Variants in ADGRL2 observed in about 807,000 individuals in gnomAD.
ADGRL2 encodes adhesion G protein-coupled receptor L2.
A neutral mutation model predicts 157.4 loss-of-function variants in ADGRL2; 44 were observed. The observed-to-expected ratio is 0.28, with a 90% CI of 0.22 to 0.36. ADGRL2 has a LOEUF of 0.36. Among genes scored for constraint, ADGRL2 ranks in the 10% least tolerant of loss-of-function variants. ADGRL2 has a pLI of 1.00. For synonymous variants in ADGRL2, 585 were observed against 624.7 expected (o/e 0.94, Z 0.95); for missense variants, 1,510 against 1,768.9 (o/e 0.85, Z 2.63).
chr1:81,970,162 C>A, intron 15 of ADGRL2, 152 bp from the exon 16 acceptor site: 1 of 624,296 alleles, frequency 1.6e-6, no homozygotes, highest in South Asian at 2.0e-5. Flanking sequence ...TTTCCAGTTA[C>A]GAAAAAAATA....
At chr1:81,642,076 C>T (rs1181362817) in intron 3 of ADGRL2, among the ~76,000 whole-genome samples, 11 of 137,400 alleles carry the variant, frequency 8.0e-5, no homozygotes, top group African/African-American at 3.0e-4. Flanking sequence ...CCTCTCTCTA[C>T]TAAACATACA....
At chr1:81,845,135 C>T (rs940089903) in intron 2 of ADGRL2, among the ~76,000 whole-genome samples, 3 of 151,924 alleles carry the variant, frequency 2.0e-5, no homozygotes, top group Admixed American at 6.6e-5. Flanking sequence ...TTCATATTTT[C>T]ACTTTTAATT....
Position 81,992,547 on chromosome 1 carries a change from C to A in ADGRL2, c.*1402C>A, listed in dbSNP as rs551732933. On this transcript the variant is annotated 3_prime_UTR_variant, in exon 24 of 24. Transcript: ENST00000686636. ...ATATGAAAGGATACAATTAAGTTGC[C>A]TGTTTGTTCTTTATGCTGAAAGGAA... 1 of 152,290 alleles carries A rather than the reference C, an allele frequency of 6.6e-6. No individual in the cohort carries two copies. Among genetic ancestry groups the A allele is most frequent in the South Asian group, 2.1e-4 (1 of 4,826 alleles). The allele number at this position is 152,290 out of a possible 1,614,324, so 9.4% of individuals were successfully genotyped here.
At position 81,378,571 on chromosome 1, in the gene ADGRL2, A is replaced by AAG. The variant is rs1399156336; in HGVS notation, c.-301-66464_-301-66463insGA. On this transcript the variant is annotated intron_variant, in intron 1 of 24. Coordinates refer to the ADGRL2 transcript ENST00000370721. Reference sequence around the variant, plus strand: ...CAGAATGAGACCTTGTATCTTAAAAAAAAAAAAAAAAAAAAGCCCCGGTTC... The same window carrying AAG: ...CAGAATGAGACCTTGTATCTTAAAAAAGAAAAAAAAAAAAAAAGCCCCGGTTC... Among the ~76,000 whole-genome samples the AAG allele has an allele frequency of 2.0e-5, 3 of 150,858 alleles. No individual in the cohort carries two copies. In the East Asian group the frequency reaches 5.8e-4, roughly 29 times the overall value.
At chr1:81,700,095 G>A (rs1381644330) in intron 1 of ADGRL2, among the ~76,000 whole-genome samples, 2 of 152,238 alleles carry the variant, frequency 1.3e-5, no homozygotes, top group African/African-American at 2.4e-5. Context: ...AAATGTCAAA[G>A]CAGCTCATCT....
Position 81,950,414 on chromosome 1 carries a change from A to C in ADGRL2, c.1436A>C (p.Lys479Thr), listed in dbSNP as rs900274477. The stretch of plus-strand genomic sequence containing the variant: ...AGATTCTGTGAAGCATTAGACTCCA[A>C]GGGGATAAAGTGGCCTCAGACACAA... ...PERFCEALDS[K>T]GIKWPQTQRG... The change falls in exon 7 of 24, where the codon AAG becomes ACG. Residue 479 changes from lysine to threonine, a missense_variant. By Grantham distance (78) the Lys-to-Thr change is moderately conservative. Transcript: ENST00000686636. 4 of 1,614,016 alleles carry C rather than the reference A, an allele frequency of 2.5e-6. No homozygotes were observed. Among genetic ancestry groups the C allele is most frequent in the Non-Finnish European group, 3.4e-6 (4 of 1,179,906 alleles).
chr1:81,596,071 C>T, intron 3 of ADGRL2: 1 of 338,680 alleles, frequency 3.0e-6, no homozygotes, highest in South Asian at 2.7e-5. Context: ...AAAGTCTCAC[C>T]TTCTAATGCC....
intron 2 of ADGRL2, among the ~76,000 whole-genome samples, chr1:81,474,753 C>T (rs545676818): frequency 6.6e-6 from 1 of 152,148 alleles, no homozygotes; most frequent in Non-Finnish European, 1.5e-5. Flanking sequence ...AGTTATTGAA[C>T]ATTTTTCAGT....
intron 2 of ADGRL2, among the ~76,000 whole-genome samples, chr1:81,545,129 T>C (rs561521714): frequency 6.6e-6 from 1 of 152,284 alleles, no homozygotes; most frequent in African/African-American, 2.4e-5. Flanking sequence ...ATTTATTTCT[T>C]ATAATCTCTA....
At chr1:81,903,754 T>C (rs1317962330) in intron 2 of ADGRL2, among the ~76,000 whole-genome samples, 4 of 143,034 alleles carry the variant, frequency 2.8e-5, no homozygotes, top group African/African-American at 7.5e-5. Context: ...ATTATATATA[T>C]ACACATTATA....
intron 2 of ADGRL2, among the ~76,000 whole-genome samples, chr1:81,894,544 T>G (rs2094340420): frequency 6.6e-6 from 1 of 152,158 alleles, no homozygotes; most frequent in South Asian, 2.1e-4. Context: ...AAAAATAATC[T>G]TCAGTTATTA....
At chr1:81,630,443 T>TA (rs1335825967) in intron 3 of ADGRL2, among the ~76,000 whole-genome samples, 1 of 152,164 alleles carries the variant, frequency 6.6e-6, no homozygotes, top group Non-Finnish European at 1.5e-5. Context: ...ACCAATCTCA[T>TA]AGAGATTATA....
chr1:81,484,901 C>G (rs1191016795), intron 2 of ADGRL2, among the ~76,000 whole-genome samples: 1 of 152,136 alleles, frequency 6.6e-6, no homozygotes, highest in African/African-American at 2.4e-5. Context: ...ATGAGAGATT[C>G]TACCCATAAG....
At chr1:81,931,662 G>T (rs1322330833) in intron 3 of ADGRL2, among the ~76,000 whole-genome samples, 1 of 151,976 alleles carries the variant, frequency 6.6e-6, no homozygotes, top group Non-Finnish European at 1.5e-5. Flanking sequence ...CCCTGGAAAT[G>T]GTTTTTGTTC....
chr1:81,769,956 C>A (rs1325434931), intron 2 of ADGRL2, among the ~76,000 whole-genome samples: 1 of 151,798 alleles, frequency 6.6e-6, no homozygotes, highest in Non-Finnish European at 1.5e-5. Context: ...CTCCACCCCT[C>A]AGGTTCAAGT....
At chr1:81,538,742 C>T (rs908983542) in intron 2 of ADGRL2, among the ~76,000 whole-genome samples, 10 of 152,112 alleles carry the variant, frequency 6.6e-5, no homozygotes, top group Admixed American at 2.6e-4. Flanking sequence ...CAGTGGCTCA[C>T]ACCTATAAGC....
At chr1:81,974,031 A>G (rs542543958) in intron 17 of ADGRL2, among the ~76,000 whole-genome samples, 1 of 152,182 alleles carries the variant, frequency 6.6e-6, no homozygotes, top group East Asian at 1.9e-4. Flanking sequence ...ATTGTATACT[A>G]TCCTTTTAAG....
At chr1:81,670,143 A>C (rs1204433691) in intron 3 of ADGRL2, among the ~76,000 whole-genome samples, 3 of 152,198 alleles carry the variant, frequency 2.0e-5, no homozygotes. Flanking sequence ...AAATCTTTTA[A>C]TAAATGGGTC....
intron 1 of ADGRL2, among the ~76,000 whole-genome samples, chr1:81,369,265 G>A (rs61768906): frequency 0.081 from 12,395 of 152,118 alleles, 718 homozygotes; most frequent in South Asian, 0.22. Flanking sequence ...CATATATTTA[G>A]GGATTCATAG....
Sources: allele counts gnomAD v4.1 joint callset (sites outside exome capture counted in the v4.1 genomes callset), GRCh38; gene constraint gnomAD v4.1.1; transcripts MANE v1.5; gene names NCBI Gene and HGNC (gene_info 2026-07-23, HGNC 2026-07-21).